The following TMEM135 variants were observed in gnomAD, a reference collection of about 807,000 sequenced individuals.
The protein encoded by TMEM135 is peroxisomal membrane protein 52.
In TMEM135, 30 loss-of-function variants were observed where a neutral mutation model predicts 60.3. That is an observed-to-expected ratio of 0.50 (90% confidence interval 0.37 to 0.68). TMEM135 has a LOEUF of 0.68. Ranked by LOEUF, TMEM135 falls within the 30% of genes least tolerant of loss-of-function variation. The probability of loss-of-function intolerance (pLI) is 0.00; values close to 1 mark genes in which losing one functional copy is unlikely to be tolerated. For missense variants in TMEM135, 468 were observed against 548.8 expected (o/e 0.85, Z 1.47); for synonymous variants, 190 against 186.7 (o/e 1.02, Z -0.14).
At chr11:87,150,208 T>C (rs1938520408) in intron 4 of TMEM135, among the ~76,000 whole-genome samples, 1 of 114,264 alleles carries the variant, frequency 8.8e-6, no homozygotes, top group Admixed American at 1.1e-4. Context: ...AGAGCGAAAC[T>C]CTGTCTCAAA....
rs1461092332 is a variant in TMEM135, at chr11:87,178,311, A to T, written c.462+20905A>T. 3 of 428,716 alleles carry T rather than the reference A, an allele frequency of 7.0e-6. No homozygotes were observed. In the East Asian group the frequency reaches 2.1e-4, roughly 30 times the overall value. 26.6% of individuals were successfully genotyped at this position (428,716 alleles called of 1,614,324 possible). ...GGGTTTTTGAAGCCCTGTGCCAGGA[A>T]CTAGGAACAAAGTCCAGATATATTT... On this transcript the variant is annotated intron_variant, in intron 5 of 14. Transcript: ENST00000305494.
intron 4 of TMEM135, among the ~76,000 whole-genome samples, chr11:87,147,167 GC>G (rs1938437932): frequency 6.6e-6 from 1 of 151,964 alleles, no homozygotes; most frequent in Admixed American, 6.6e-5. Flanking sequence ...ACTAAAAAAT[GC>G]AAAAATTAGC....
chr11:87,087,235 TG>T (rs1490862788), intron 3 of TMEM135, among the ~76,000 whole-genome samples: 1 of 151,498 alleles, frequency 6.6e-6, no homozygotes, highest in Admixed American at 6.6e-5. Context: ...TAGTTATGTC[TG>T]CTAAGACCTG....
rs757482509 is a variant in TMEM135, at chr11:87,314,539, T to C, written c.1069T>C (p.Leu357=). The C allele has an allele frequency of 1.2e-5, 20 of 1,610,530 alleles. No homozygotes were observed. The highest frequency in any genetic ancestry group is 6.7e-5 in the African/African-American group (5 of 74,788). The part of the protein sequence containing the change: ...TTISMYLASK[L]VETMYFKGIE... ...AATTTCCATGTATTTAGCGTCCAAATTGGTAGAGGTAAGCGAAATTTTTGT... is the reference window on the plus strand; with the variant it reads ...AATTTCCATGTATTTAGCGTCCAAACTGGTAGAGGTAAGCGAAATTTTTGT... Residue 357 remains leucine, a synonymous_variant, in exon 12 of 15, where the codon TTG becomes CTG. Coordinates refer to ENST00000305494, the MANE Select transcript of TMEM135 (RefSeq NM_022918.4).
At chr11:87,056,018 G>C (rs1949891197) in intron 1 of TMEM135, among the ~76,000 whole-genome samples, 1 of 152,140 alleles carries the variant, frequency 6.6e-6, no homozygotes, top group Admixed American at 6.6e-5. Flanking sequence ...GTCAGAAGGG[G>C]AACGCGTCCA....
At chr11:87,116,756 T>G (rs1331886270) in intron 4 of TMEM135, among the ~76,000 whole-genome samples, 1 of 152,126 alleles carries the variant, frequency 6.6e-6, no homozygotes, top group East Asian at 1.9e-4. Context: ...ATGAATTATT[T>G]TTTGCTTTTC....
At chr11:87,192,264 C>T (rs1483739955) in intron 5 of TMEM135, among the ~76,000 whole-genome samples, 1 of 151,796 alleles carries the variant, frequency 6.6e-6, no homozygotes, top group Non-Finnish European at 1.5e-5. Flanking sequence ...GCTGGGATTA[C>T]AGGCATGAGC....
At chr11:87,193,458 A>G (rs1939864770) in intron 5 of TMEM135, among the ~76,000 whole-genome samples, 2 of 151,940 alleles carry the variant, frequency 1.3e-5, no homozygotes, top group African/African-American at 2.4e-5. Context: ...TTATTTTCCC[A>G]TTTATTTTTC....
At chr11:87,082,947 A>G (rs539701940) in intron 3 of TMEM135, among the ~76,000 whole-genome samples, 1 of 152,308 alleles carries the variant, frequency 6.6e-6, no homozygotes, top group Non-Finnish European at 1.5e-5. Flanking sequence ...TGAGGTGAGA[A>G]CATACAATAT....
Position 87,071,611 on chromosome 11 carries a change from A to C in TMEM135, c.358A>C (p.Ser120Arg). The change falls in exon 3 of 15, where the codon AGC becomes CGC. Residue 120 changes from serine to arginine, a missense_variant. Transcript: ENST00000305494. The stretch of plus-strand genomic sequence containing the variant: ...TGTGGCCATTCTCATTGAAAGAAAA[A>C]GCAGGTAAAATTTCATATATTTATT... ...SYVAILIERK[S>R]RRGLLTIYMA... The C allele has an allele frequency of 6.2e-7, 1 of 1,613,420 alleles. No individual in the cohort carries two copies. Among genetic ancestry groups the C allele is most frequent in the South Asian group, 1.1e-5 (1 of 90,958 alleles).
chr11:87,057,771 A>C (rs1218584369), intron 1 of TMEM135, among the ~76,000 whole-genome samples: 1 of 151,674 alleles, frequency 6.6e-6, no homozygotes, highest in East Asian at 1.9e-4. Flanking sequence ...AGCTTATTAG[A>C]GTTCTTCAAA....
At chr11:87,194,272 A>C (rs1939881822) in intron 5 of TMEM135, among the ~76,000 whole-genome samples, 2 of 152,238 alleles carry the variant, frequency 1.3e-5, no homozygotes, top group Non-Finnish European at 2.9e-5. Context: ...TCTTAAAATC[A>C]ACAAAATACC....
chr11:87,155,820 A>G (rs1454190790), intron 4 of TMEM135, among the ~76,000 whole-genome samples: 1 of 152,192 alleles, frequency 6.6e-6, no homozygotes, highest in Non-Finnish European at 1.5e-5. Flanking sequence ...ACTGGAATTC[A>G]GGATCTGTTT....
chr11:87,238,407 G>C (rs974176955), intron 6 of TMEM135, among the ~76,000 whole-genome samples: 2 of 152,010 alleles, frequency 1.3e-5, no homozygotes, highest in African/African-American at 2.4e-5. Flanking sequence ...GGGAAACATA[G>C]ATGACGAGTC....
intron 5 of TMEM135, among the ~76,000 whole-genome samples, chr11:87,218,266 T>C (rs1174589163): frequency 1.3e-5 from 2 of 152,198 alleles, no homozygotes; most frequent in Non-Finnish European, 2.9e-5. Context: ...AACTTAGAAG[T>C]GGGCCCTTTG....
chr11:87,152,970 T>TC (rs1267370114), intron 4 of TMEM135, among the ~76,000 whole-genome samples: 2 of 152,160 alleles, frequency 1.3e-5, no homozygotes, highest in Non-Finnish European at 2.9e-5. Context: ...TTTTTATGCA[T>TC]CTCCCACATA....
At chr11:87,155,455 A>C (rs1425423229) in intron 4 of TMEM135, among the ~76,000 whole-genome samples, 1 of 152,154 alleles carries the variant, frequency 6.6e-6, no homozygotes, top group Non-Finnish European at 1.5e-5. Flanking sequence ...TGATTTTTGT[A>C]TATGGTAGAG....
chr11:87,252,995 C>CTAG (rs1941450926), intron 6 of TMEM135, among the ~76,000 whole-genome samples: 1 of 151,752 alleles, frequency 6.6e-6, no homozygotes, highest in African/African-American at 2.4e-5. Context: ...TGTTACTTTC[C>CTAG]TCAAAACAAA....
At chr11:87,107,318 G>A (rs944935723) in intron 4 of TMEM135, among the ~76,000 whole-genome samples, 1 of 151,906 alleles carries the variant, frequency 6.6e-6, no homozygotes, top group African/African-American at 2.4e-5. Context: ...ACAATGTGCA[G>A]GTTTGTTACA....
Sources: gnomAD v4.1 joint callset for allele counts (sites outside exome capture counted in the v4.1 genomes callset) on GRCh38, gnomAD v4.1.1 for gene constraint, MANE v1.5 for transcripts, NCBI Gene and HGNC (gene_info 2026-07-23, HGNC 2026-07-21) for gene names.